NOP9: variants seen among roughly 807,000 people sequenced by gnomAD.
NOP9 encodes nucleolar protein 9.
NOP9 carries 50 observed loss-of-function variants against 63.0 expected under a neutral mutation model. The observed-to-expected ratio is 0.79, with a 90% CI of 0.63 to 1.00. The LOEUF is 1.00. Among genes scored for constraint, NOP9 ranks in the 50% least tolerant of loss-of-function variants. The pLI, the probability that NOP9 is intolerant of heterozygous loss-of-function variation, is 0.00. For missense variants in NOP9, 758 were observed against 803.0 expected (o/e 0.94, Z 0.68); for synonymous variants, 343 against 332.8 (o/e 1.03, Z -0.33).
rs750432654 is a variant in NOP9 at position 24,305,056 on chromosome 14, C to T, written c.1872C>T (p.Ala624=). The change falls in exon 10 of 10, where the codon GCC becomes GCT. Residue 624 remains alanine, a synonymous_variant. Transcript: ENST00000267425. Reference sequence around the variant, plus strand: ...GGGAACAGCAGCAGGGTGCGGTGGCCAAGCGGAGGCGGGCATTGAACTCCA... The same window carrying T: ...GGGAACAGCAGCAGGGTGCGGTGGCTAAGCGGAGGCGGGCATTGAACTCCA... ...EAWEQQQGAV[A]KRRRALNSIL... is the part of the protein sequence containing the mutation. 6.3e-7 allele frequency: 1 copy of T among 1,589,294 alleles called. No individual in the cohort carries two copies. The highest frequency in any genetic ancestry group is 8.6e-7 in the Non-Finnish European group (1 of 1,167,956).
At chr14:24,274,850 T>A in the NOP9 span, among the ~76,000 whole-genome samples, 1 of 150,672 alleles carries the variant, frequency 6.6e-6, no homozygotes, top group Non-Finnish European at 1.5e-5. Flanking sequence ...CCTCGTGATC[T>A]GCCTGCCTCG....
upstream of NOP9, chr14:24,296,861 T>C (rs150965681): frequency 2.4e-5 from 38 of 1,614,192 alleles, no homozygotes; most frequent in African/African-American, 1.3e-4. Flanking sequence ...CAGGCACACA[T>C]TGGCCCCCGA....
intron 2 of NOP9, among the ~76,000 whole-genome samples, 199 bp downstream of exon 2, chr14:24,301,056 G>A (rs1203557589): frequency 6.6e-6 from 1 of 152,168 alleles, no homozygotes; most frequent in East Asian, 1.9e-4. Context: ...GTACAGTTGT[G>A]TTTGGGGAAG....
At chr14:24,291,959 T>C in the NOP9 span, 1 of 627,982 alleles carries the variant, frequency 1.6e-6, no homozygotes, top group Non-Finnish European at 2.8e-6. Context: ...TTAGGACATA[T>C]GTGACCTTCA....
chr14:24,299,835 C>T (rs1447138215), upstream of NOP9: 21 of 1,287,294 alleles, frequency 1.6e-5, no homozygotes, highest in Admixed American at 2.9e-5. Context: ...GACGTAGTAG[C>T]TGCGTCAGGA....
chr14:24,309,085 C>T lies in NOP9; in HGVS notation c.*3990C>T, dbSNP rs1035292720. 6.6e-6 allele frequency: 1 copy of T among 152,268 alleles called. No individual in the cohort carries two copies. The highest frequency in any genetic ancestry group is 2.4e-5 in the African/African-American group (1 of 41,466). 9.4% of individuals were successfully genotyped at this position (152,268 alleles called of 1,614,324 possible). ...TGTTGTGAGGATACGCTGTAGCCCA[C>T]TCATTAAGTACATTCTCCTAATAAA... On this transcript the variant is annotated 3_prime_UTR_variant, in exon 10 of 10. Transcript: ENST00000267425.
chr14:24,306,716 CT>C lies in NOP9; in HGVS notation c.*1626del. The C allele has an allele frequency of 4.8e-6, 3 of 627,002 alleles. No homozygotes were observed. The highest frequency in any genetic ancestry group is 2.8e-5 in the East Asian group (1 of 35,646). The allele number at this position is 627,002 out of a possible 1,614,324, so 38.8% of individuals were successfully genotyped here. On this transcript the variant is annotated 3_prime_UTR_variant, in exon 10 of 10. Coordinates refer to ENST00000267425, the MANE Select transcript of NOP9 (RefSeq NM_174913.3). ...TGGGGGATCCTAGCTAGAGGCTGAC[CT>C]TTTTCCTCTTTGCTCCTACCATGTC...
At chr14:24,279,329 C>T in the NOP9 span, among the ~76,000 whole-genome samples, 1 of 152,238 alleles carries the variant, frequency 6.6e-6, no homozygotes, top group Non-Finnish European at 1.5e-5. Context: ...TGCTTGCATT[C>T]TTTCTCTTCT....
At chr14:24,292,097 T>C in the NOP9 span, 1 of 1,533,018 alleles carries the variant, frequency 6.5e-7, no homozygotes, top group Non-Finnish European at 9.0e-7. Flanking sequence ...AGTAAGCACC[T>C]GGTGAGTGGG....
At position 24,306,460 on chromosome 14, in the gene NOP9, C is replaced by T. The variant is rs748129829; in HGVS notation, c.*1365C>T. On this transcript the variant is annotated 3_prime_UTR_variant, in exon 10 of 10. Coordinates refer to ENST00000267425, the MANE Select transcript of NOP9 (RefSeq NM_174913.3). Reference sequence around the variant, plus strand: ...AGCTGGAAGAAGTCCTCACTGTCCACTGCAGTTCCATCCTCCTCTAGCACC... The same window carrying T: ...AGCTGGAAGAAGTCCTCACTGTCCATTGCAGTTCCATCCTCCTCTAGCACC... 1.2e-6 allele frequency: 2 copies of T among 1,614,274 alleles called. No homozygotes were observed. The highest frequency in any genetic ancestry group is 2.2e-5 in the South Asian group (2 of 91,088).
chr14:24,296,488 T>G, upstream of NOP9: 1 of 1,613,640 alleles, frequency 6.2e-7, no homozygotes, highest in Admixed American at 1.7e-5. Flanking sequence ...GGAACATGGG[T>G]CCTGGCAGTG....
the NOP9 span, among the ~76,000 whole-genome samples, chr14:24,276,456 A>G: frequency 3.3e-5 from 5 of 151,290 alleles, no homozygotes; most frequent in African/African-American, 4.9e-5. Context: ...TGGCAAATTT[A>G]AAAAAAAATT....
At chr14:24,295,219 A>G (rs2041229369), upstream of NOP9, among the ~76,000 whole-genome samples, 1 of 152,216 alleles carries the variant, frequency 6.6e-6, no homozygotes, top group African/African-American at 2.4e-5. Context: ...GAAAGAATAT[A>G]TGCCAGGCTA....
At chr14:24,290,887 A>G in the NOP9 span, 47 of 1,613,780 alleles carry the variant, frequency 2.9e-5, no homozygotes, top group Middle Eastern at 5.0e-4. Flanking sequence ...GAGGGCAATA[A>G]TCCACTTGGG....
At chr14:24,292,445 A>C in the NOP9 span, 1 of 1,508,872 alleles carries the variant, frequency 6.6e-7, no homozygotes, top group African/African-American at 1.4e-5. Context: ...AGGAGCCCCA[A>C]GGTCTCAGCT....
At chr14:24,285,724 C>T in the NOP9 span, among the ~76,000 whole-genome samples, 2 of 152,268 alleles carry the variant, frequency 1.3e-5, no homozygotes, top group East Asian at 1.9e-4. Context: ...TAATTTATTA[C>T]GTGCCTGTAA....
chr14:24,305,066 C>A lies in NOP9; in HGVS notation c.1882C>A (p.Arg628=). 6.3e-7 allele frequency: 1 copy of A among 1,575,550 alleles called. No individual in the cohort carries two copies. Among genetic ancestry groups the A allele is most frequent in the Non-Finnish European group, 8.6e-7 (1 of 1,160,338 alleles). ...GCAGGGTGCGGTGGCCAAGCGGAGG[C>A]GGGCATTGAACTCCATACTTGAAGA... ...QQQGAVAKRR[R]ALNSILED is the part of the protein sequence containing the mutation. Residue 628 remains arginine, a synonymous_variant, in exon 10 of 10, where the codon CGG becomes AGG. Transcript: ENST00000267425.
intron 2 of NOP9, among the ~76,000 whole-genome samples, chr14:24,301,142 CAT>C (rs2041369685): frequency 6.6e-6 from 1 of 152,102 alleles, no homozygotes; most frequent in African/African-American, 2.4e-5. Context: ...GCAAAAGTAA[CAT>C]ACACACTGGA....
chr14:24,288,440 T>C, the NOP9 span, among the ~76,000 whole-genome samples: 60,707 of 151,782 alleles, frequency 0.4, 13,266 homozygotes, highest in Middle Eastern at 0.58. Context: ...ACCTCTGCCT[T>C]CCGGGTTCAA....
Sources: gnomAD v4.1 joint callset for allele counts (sites outside exome capture counted in the v4.1 genomes callset) on GRCh38, gnomAD v4.1.1 for gene constraint, MANE v1.5 for transcripts, NCBI Gene and HGNC (gene_info 2026-07-23, HGNC 2026-07-21) for gene names.